CNTN6: variants seen among roughly 807,000 people sequenced by gnomAD.
The protein encoded by CNTN6 is contactin 6, also known as contactin-6.
A neutral mutation model predicts 122.8 loss-of-function variants in CNTN6; 137 were observed. The ratio of observed to expected loss-of-function variants is 1.12; its 90% CI spans 0.97 to 1.29. The LOEUF (loss-of-function observed/expected upper bound fraction) is 1.29. Among genes scored for constraint, CNTN6 ranks in the 50% most tolerant of loss-of-function variants. The probability of loss-of-function intolerance (pLI) is 0.00; values close to 1 mark genes in which losing one functional copy is unlikely to be tolerated. For missense variants in CNTN6, 1,634 were observed against 1,223.4 expected (o/e 1.34, Z -5.01); for synonymous variants, 570 against 426.0 (o/e 1.34, Z -4.16).
At chr3:1,160,511 TTGTA>T (rs1468952529) in intron 2 of CNTN6, among the ~76,000 whole-genome samples, 6 of 151,626 alleles carry the variant, frequency 4.0e-5, no homozygotes, top group Non-Finnish European at 5.9e-5. Flanking sequence ...CATTATTCCA[TTGTA>T]TGAATCTTTT....
chr3:1,365,398 T>C (rs1457694135), intron 12 of CNTN6, among the ~76,000 whole-genome samples: 2 of 152,034 alleles, frequency 1.3e-5, no homozygotes, highest in African/African-American at 4.8e-5. Context: ...CATAATAGTC[T>C]CATAAATATG....
At chr3:1,201,538 C>A (rs1445716157) in intron 2 of CNTN6, among the ~76,000 whole-genome samples, 2 of 152,100 alleles carry the variant, frequency 1.3e-5, no homozygotes, top group East Asian at 3.9e-4. Context: ...AAAAACACTC[C>A]CTGAACCTCA....
chr3:1,320,553 A>G (rs1700705267), intron 7 of CNTN6, among the ~76,000 whole-genome samples: 1 of 151,674 alleles, frequency 6.6e-6, no homozygotes, highest in Non-Finnish European at 1.5e-5. Context: ...TTCAAGGTTT[A>G]CCAATTGACT....
At chr3:1,116,023 A>G (rs1404032450) in intron 1 of CNTN6, among the ~76,000 whole-genome samples, 3 of 152,198 alleles carry the variant, frequency 2.0e-5, no homozygotes, top group Admixed American at 1.3e-4. Context: ...ATAGTGATAC[A>G]GAGGACACCT....
intron 2 of CNTN6, among the ~76,000 whole-genome samples, chr3:1,172,119 C>T (rs572867338): frequency 2.6e-5 from 4 of 152,266 alleles, no homozygotes; most frequent in East Asian, 1.9e-4. Context: ...AAATCCACTC[C>T]CCTAAAGCCC....
chr3:1,244,140 C>G (rs1185375424), intron 4 of CNTN6, among the ~76,000 whole-genome samples: 2 of 151,994 alleles, frequency 1.3e-5, no homozygotes, highest in East Asian at 3.9e-4. Flanking sequence ...AGCGGTGTTG[C>G]AGAAGAAAAT....
At chr3:1,358,617 GA>G (rs1575847356) in intron 12 of CNTN6, among the ~76,000 whole-genome samples, 1 of 152,058 alleles carries the variant, frequency 6.6e-6, no homozygotes, top group Non-Finnish European at 1.5e-5. Flanking sequence ...CGTGGAAGGG[GA>G]AAAAATAATC....
At chr3:1,294,640 T>C (rs1695897468) in intron 5 of CNTN6, among the ~76,000 whole-genome samples, 1 of 152,182 alleles carries the variant, frequency 6.6e-6, no homozygotes, top group South Asian at 2.1e-4. Context: ...GTAAAAACAA[T>C]GTGTGCCCTG....
At chr3:1,111,168 T>C (rs1032208130) in intron 1 of CNTN6, among the ~76,000 whole-genome samples, 1 of 152,172 alleles carries the variant, frequency 6.6e-6, no homozygotes, top group Non-Finnish European at 1.5e-5. Flanking sequence ...ATTGAAATTA[T>C]TATGAATAAG....
At chr3:1,194,789 A>G (rs2093752329) in intron 2 of CNTN6, among the ~76,000 whole-genome samples, 3 of 151,954 alleles carry the variant, frequency 2.0e-5, no homozygotes, top group Admixed American at 6.6e-5. Context: ...GGTGATGTCA[A>G]CTCCATTGAG....
At chr3:1,136,700 G>T (rs139633474) in intron 1 of CNTN6, among the ~76,000 whole-genome samples, 1,837 of 152,194 alleles carry the variant, frequency 0.012, 27 homozygotes, top group Non-Finnish European at 0.016. Context: ...CAAATGTTCA[G>T]ATTTGAGCAA....
chr3:1,136,344 T>G (rs2092471949), intron 1 of CNTN6, among the ~76,000 whole-genome samples: 1 of 152,138 alleles, frequency 6.6e-6, no homozygotes, highest in Non-Finnish European at 1.5e-5. Flanking sequence ...TCTTTCCCCT[T>G]GATTAGACTT....
chr3:1,383,272 A>G lies in CNTN6; in HGVS notation c.2402-21A>G, dbSNP rs771473979. ...ATGAACCACTCTGCTAAAGATGGTT[A>G]TGTCTTTCTCTGGATGGTAGAACCT... On this transcript the variant is annotated intron_variant, in intron 18 of 22. Coordinates refer to ENST00000446702, the MANE Select transcript of CNTN6 (RefSeq NM_001289080.2). 187 of 1,603,288 alleles carry G rather than the reference A, an allele frequency of 1.2e-4. 3 individuals are homozygous for G. The highest frequency in any genetic ancestry group is 1.2e-4 in the Non-Finnish European group (136 of 1,170,350).
At chr3:1,105,966 C>T (rs1559324252) in intron 1 of CNTN6, among the ~76,000 whole-genome samples, 1 of 152,108 alleles carries the variant, frequency 6.6e-6, no homozygotes, top group South Asian at 2.1e-4. Flanking sequence ...CAATTTATGC[C>T]TCTGCCCTTG....
intron 1 of CNTN6, among the ~76,000 whole-genome samples, chr3:1,098,789 C>CACATATATATATATATATATAT (rs1211008614): frequency 4.0e-4 from 25 of 63,244 alleles, no homozygotes; most frequent in African/African-American, 5.2e-4. Context: ...CACACACACA[C>CACATATATATATATATATATAT]ATATATATAT....
chr3:1,335,886 T>C (rs1385807482), intron 11 of CNTN6, among the ~76,000 whole-genome samples: 1 of 151,566 alleles, frequency 6.6e-6, no homozygotes, highest in Non-Finnish European at 1.5e-5. Flanking sequence ...TAAAAAGGAA[T>C]GGGGTGGAAC....
intron 4 of CNTN6, among the ~76,000 whole-genome samples, chr3:1,233,710 G>A (rs1190890667): frequency 2.9e-5 from 4 of 138,790 alleles, no homozygotes; most frequent in Non-Finnish European, 4.5e-5. Flanking sequence ...ACTCCAGTCT[G>A]GGCAACAGAA....
intron 11 of CNTN6, among the ~76,000 whole-genome samples, chr3:1,349,819 A>G (rs957792260): frequency 5.3e-5 from 8 of 151,802 alleles, no homozygotes; most frequent in Non-Finnish European, 1.2e-4. Flanking sequence ...TAATTTTTTT[A>G]CCATATTTTA....
In CNTN6 at chr3:1,271,502, A is replaced by T. The variant is rs185174026; in HGVS notation, c.359-6911A>T. On this transcript the variant is annotated intron_variant, in intron 4 of 22. Transcript: ENST00000446702. ...ACAGGCTCAAAATCTGGTAGTGGTG[A>T]TGCACCACACCTCTGTTGTATGTGC... Among the ~76,000 whole-genome samples, 201 of 152,334 alleles carry T rather than the reference A, an allele frequency of 1.3e-3. 1 individual carries two copies. Among genetic ancestry groups the T allele is most frequent in the African/African-American group, 4.6e-3 (192 of 41,584 alleles).
Sources: allele counts gnomAD v4.1 joint callset (sites outside exome capture counted in the v4.1 genomes callset), GRCh38; gene constraint gnomAD v4.1.1; transcripts MANE v1.5; gene names NCBI Gene and HGNC (gene_info 2026-07-23, HGNC 2026-07-21).